The following METAP1D variants were observed in gnomAD, a reference collection of about 807,000 sequenced individuals.
METAP1D encodes methionyl aminopeptidase type 1D, mitochondrial, also known as methionine aminopeptidase 1D, mitochondrial.
METAP1D carries 31 observed loss-of-function variants against 40.5 expected under a neutral mutation model. The ratio of observed to expected loss-of-function variants is 0.77; its 90% CI spans 0.58 to 1.03. METAP1D has a LOEUF of 1.03. Ranked by LOEUF, METAP1D falls within the 50% of genes least tolerant of loss-of-function variation. METAP1D has a pLI of 0.00. For synonymous variants in METAP1D, 151 were observed against 146.4 expected, an observed-to-expected ratio of 1.03 and a Z score of -0.22; for missense variants, 411 against 420.7, an observed-to-expected ratio of 0.98 and a Z score of 0.20.
chr2:172,071,191 G>C, intron 6 of METAP1D, 121 bp downstream of exon 6: 1 of 764,924 alleles, frequency 1.3e-6, no homozygotes, highest in Non-Finnish European at 1.8e-6. Flanking sequence ...TCTGATATCA[G>C]TATGTGAACT....
intron 3 of METAP1D, 122 bp from the exon 4 acceptor site, chr2:172,065,482 C>G (rs1690250569): frequency 1.0e-6 from 1 of 960,288 alleles, no homozygotes; most frequent in African/African-American, 1.6e-5. Context: ...AATGTTGTAC[C>G]ATAACTTTAT....
At chr2:172,015,607 A>G (rs1364471087) in intron 1 of METAP1D, among the ~76,000 whole-genome samples, 1 of 152,166 alleles carries the variant, frequency 6.6e-6, no homozygotes, top group African/African-American at 2.4e-5. Flanking sequence ...AATACTGCCT[A>G]TTAAACTATT....
At chr2:172,022,165 T>A (rs1241058207) in intron 1 of METAP1D, among the ~76,000 whole-genome samples, 2 of 152,196 alleles carry the variant, frequency 1.3e-5, no homozygotes, top group Admixed American at 6.5e-5. Flanking sequence ...CTGATAAACA[T>A]GATCCCACCC....
intron 1 of METAP1D, among the ~76,000 whole-genome samples, chr2:172,033,243 A>G (rs1020298166): frequency 2.0e-5 from 3 of 151,998 alleles, no homozygotes; most frequent in Non-Finnish European, 4.4e-5. Flanking sequence ...TTTTCTTAAC[A>G]AATAATTTAC....
intron 1 of METAP1D, among the ~76,000 whole-genome samples, chr2:172,041,726 T>TTTATATATATATATATATA (rs1273069042): frequency 1.6e-4 from 6 of 37,570 alleles, no homozygotes; most frequent in Non-Finnish European, 1.9e-4. Context: ...TCTAATTATT[T>TTTATATATATATATATATA]TATATATATA....
At chr2:172,034,122 A>G (rs552491115) in intron 1 of METAP1D, among the ~76,000 whole-genome samples, 3 of 151,550 alleles carry the variant, frequency 2.0e-5, no homozygotes, top group African/African-American at 7.3e-5. Context: ...GGATGTACAC[A>G]TGGAAATATT....
intron 1 of METAP1D, among the ~76,000 whole-genome samples, chr2:172,012,308 G>A (rs1198705968): frequency 1.3e-5 from 2 of 152,168 alleles, no homozygotes; most frequent in Non-Finnish European, 2.9e-5. Context: ...GTGCATAGCA[G>A]CTGTTCAGGA....
chr2:172,025,680 T>A lies in METAP1D; in HGVS notation c.40+25671T>A, dbSNP rs575334453. 9.2e-5 allele frequency among the ~76,000 whole-genome samples: 14 copies of A among 152,174 alleles called. No homozygotes were observed. The South Asian group carries it at 2.5e-3, about 27-fold the overall frequency. On this transcript the variant is annotated intron_variant, in intron 1 of 9. Coordinates refer to ENST00000315796, the MANE Select transcript of METAP1D (RefSeq NM_199227.3). ...GAGAGAATAATGGTATGAGTCTCCA[T>A]GTAAGAGATAGAAGCATCACCCAAC...
At chr2:172,017,298 A>G (rs990181116) in intron 1 of METAP1D, among the ~76,000 whole-genome samples, 1 of 150,962 alleles carries the variant, frequency 6.6e-6, no homozygotes. Context: ...CACATATATA[A>G]AACCTTTCAT....
intron 1 of METAP1D, among the ~76,000 whole-genome samples, chr2:172,045,815 G>A (rs1210173127): frequency 0.037 from 899 of 24,036 alleles, 38 homozygotes; most frequent in African/African-American, 0.051. Flanking sequence ...GTGTGTGTGT[G>A]TGTGTATATA....
At chr2:172,052,360 T>C (rs1452949571) in intron 1 of METAP1D, among the ~76,000 whole-genome samples, 5 of 152,174 alleles carry the variant, frequency 3.3e-5, no homozygotes, top group African/African-American at 1.2e-4. Context: ...ATTTCCTGCA[T>C]TGGAGAAAAA....
At chr2:172,045,837 A>G (rs1170444683) in intron 1 of METAP1D, among the ~76,000 whole-genome samples, 2 of 94,062 alleles carry the variant, frequency 2.1e-5, no homozygotes, top group African/African-American at 8.8e-5. Context: ...ATATATATAT[A>G]TATATATATA....
At chr2:172,069,047 T>C (rs1383291199) in intron 5 of METAP1D, among the ~76,000 whole-genome samples, 12 of 152,154 alleles carry the variant, frequency 7.9e-5, no homozygotes, top group African/African-American at 2.9e-4. Context: ...GCCTCCCAAG[T>C]AGCTAGAACT....
chr2:172,013,271 C>G (rs1406861509), intron 1 of METAP1D, among the ~76,000 whole-genome samples: 2 of 152,230 alleles, frequency 1.3e-5, no homozygotes, highest in African/African-American at 4.8e-5. Context: ...TCCACCCCCT[C>G]CTGCCTCAGA....
chr2:172,020,241 T>G (rs1384821375), intron 1 of METAP1D, among the ~76,000 whole-genome samples: 9 of 152,184 alleles, frequency 5.9e-5, no homozygotes, highest in African/African-American at 2.2e-4. Flanking sequence ...CGCCTCAGCC[T>G]CCCAAAGTGC....
chr2:172,001,532 C>T (rs771163264), intron 1 of METAP1D, among the ~76,000 whole-genome samples: 8 of 150,088 alleles, frequency 5.3e-5, no homozygotes, highest in Non-Finnish European at 8.9e-5. Flanking sequence ...AGCGAGACTC[C>T]GTCTCAGAAA....
chr2:172,065,541 A>C, intron 3 of METAP1D, 63 bp from the exon 4 acceptor site: 1 of 1,537,204 alleles, frequency 6.5e-7, no homozygotes, highest in Non-Finnish European at 8.9e-7. Context: ...GCTATAGCAT[A>C]GTTGATAAAT....
intron 1 of METAP1D, among the ~76,000 whole-genome samples, chr2:172,017,273 C>CACACACACAT (rs1245321576): frequency 3.4e-5 from 5 of 146,364 alleles, no homozygotes; most frequent in African/African-American, 7.6e-5. Context: ...CACACACACA[C>CACACACACAT]ATTTTATATA....
At chr2:172,066,359 G>T in intron 5 of METAP1D, 53 bp downstream of exon 5, 1 of 1,427,610 alleles carries the variant, frequency 7.0e-7, no homozygotes, top group Non-Finnish European at 9.8e-7. Context: ...ATTGCTGGTA[G>T]CAACAGGAAG....
Sources: allele counts gnomAD v4.1 joint callset (sites outside exome capture counted in the v4.1 genomes callset), GRCh38; gene constraint gnomAD v4.1.1; transcripts MANE v1.5; gene names NCBI Gene and HGNC (gene_info 2026-07-23, HGNC 2026-07-21).